Variants in PTPRM observed in about 807,000 individuals in gnomAD.
The protein encoded by PTPRM is protein tyrosine phosphatase receptor type M, also known as receptor-type tyrosine-protein phosphatase mu.
A neutral mutation model predicts 186.7 loss-of-function variants in PTPRM; 47 were observed. That is an observed-to-expected ratio of 0.25 (90% CI 0.20 to 0.32). The LOEUF is 0.32. PTPRM is among the 10% of genes least tolerant of loss of function. The probability of loss-of-function intolerance (pLI) is 1.00; values close to 1 mark genes in which losing one functional copy is unlikely to be tolerated. For missense variants in PTPRM, 1,494 were observed against 1,865.0 expected, an observed-to-expected ratio of 0.80 and a Z score of 3.66; for synonymous variants, 668 against 674.9, an observed-to-expected ratio of 0.99 and a Z score of 0.16.
At chr18:7,838,059 C>T (rs1186930177) in intron 2 of PTPRM, among the ~76,000 whole-genome samples, 2 of 152,140 alleles carry the variant, frequency 1.3e-5, no homozygotes, top group African/African-American at 4.8e-5. Flanking sequence ...GTATTAGTCT[C>T]TTCTCAGGCT....
intron 1 of PTPRM, among the ~76,000 whole-genome samples, chr18:7,640,147 T>C (rs1005782203): frequency 1.3e-5 from 2 of 152,204 alleles, no homozygotes; most frequent in African/African-American, 2.4e-5. Context: ...ATGAATTTCC[T>C]ATATCTTAGA....
At chr18:8,276,413 T>G (rs2094836075) in intron 19 of PTPRM, among the ~76,000 whole-genome samples, 1 of 152,188 alleles carries the variant, frequency 6.6e-6, no homozygotes, top group African/African-American at 2.4e-5. Flanking sequence ...CAGTAATGCT[T>G]AAGTTTAACA....
chr18:8,169,053 A>G (rs1344829566), intron 14 of PTPRM, among the ~76,000 whole-genome samples: 1 of 152,208 alleles, frequency 6.6e-6, no homozygotes, highest in Non-Finnish European at 1.5e-5. Flanking sequence ...CTCTATAAAT[A>G]TCTTATCACG....
At chr18:7,762,825 G>T (rs1472478727) in intron 1 of PTPRM, among the ~76,000 whole-genome samples, 1 of 152,182 alleles carries the variant, frequency 6.6e-6, no homozygotes, top group Non-Finnish European at 1.5e-5. Context: ...GCAAGATAAA[G>T]AAAGAAATGT....
At chr18:8,240,870 T>A (rs2094428272) in intron 14 of PTPRM, among the ~76,000 whole-genome samples, 1 of 149,526 alleles carries the variant, frequency 6.7e-6, no homozygotes, top group Non-Finnish European at 1.5e-5. Flanking sequence ...AAATTGAAAG[T>A]TTGTGGCAAC....
At chr18:8,150,183 G>C (rs2092973052) in intron 14 of PTPRM, among the ~76,000 whole-genome samples, 2 of 152,104 alleles carry the variant, frequency 1.3e-5, no homozygotes, top group African/African-American at 4.8e-5. Context: ...GAAATTGAAT[G>C]TTAGCCTGTC....
At chr18:8,394,365 G>T (rs1472635751) in intron 31 of PTPRM, 111 bp from the exon 32 acceptor site, 3 of 1,245,196 alleles carry the variant, frequency 2.4e-6, no homozygotes, top group South Asian at 3.6e-5. Context: ...CGGCCTCAGA[G>T]CCCTTTGTTG....
chr18:7,910,735 G>A (rs762089879), intron 4 of PTPRM, among the ~76,000 whole-genome samples: 1 of 152,192 alleles, frequency 6.6e-6, no homozygotes, highest in Non-Finnish European at 1.5e-5. Context: ...GGTTGCAGGA[G>A]GGGACCAGTC....
In PTPRM at chr18:7,966,877, G is replaced by A. The variant is rs548347136; in HGVS notation, c.1132+11463G>A. Among the ~76,000 whole-genome samples, 6 of 127,530 alleles carry A rather than the reference G, an allele frequency of 4.7e-5. 2 individuals carry two copies. The South Asian group carries it at 7.7e-4, about 16-fold the overall frequency. 83.7% of individuals were successfully genotyped at this position (127,530 alleles called of 152,430 possible). On this transcript the variant is annotated intron_variant, in intron 7 of 32. Transcript: ENST00000580170. ...ACCGCAAGGCGGCAGCGAGGCTGGG[G>A]GAGGGGCGCCCACCATTGCCCAGGC... is the stretch of plus-strand genomic sequence containing the variant.
chr18:8,338,647 T>C (rs1466063052), intron 22 of PTPRM, among the ~76,000 whole-genome samples: 1 of 152,204 alleles, frequency 6.6e-6, no homozygotes, highest in East Asian at 1.9e-4. Flanking sequence ...GGGTGAGCAA[T>C]AGGACCTATT....
At chr18:7,858,502 A>G (rs535883160) in intron 2 of PTPRM, among the ~76,000 whole-genome samples, 3 of 152,166 alleles carry the variant, frequency 2.0e-5, no homozygotes, top group Non-Finnish European at 4.4e-5. Context: ...TTGACATTAC[A>G]ATGAGCTGTG....
intron 14 of PTPRM, among the ~76,000 whole-genome samples, chr18:8,151,736 G>A (rs1600860680): frequency 6.6e-6 from 1 of 150,614 alleles, no homozygotes; most frequent in Non-Finnish European, 1.5e-5. Flanking sequence ...TTCGGTGTCT[G>A]CCCAAACAGC....
chr18:7,753,636 G>A lies in PTPRM; in HGVS notation c.74-20513G>A, dbSNP rs1028694091. ...CAAATTCCATTCTCACTCACTATAT[G>A]TAATATAAATAGGTTTAAATCAACA... is the stretch of plus-strand genomic sequence containing the variant. On this transcript the variant is annotated intron_variant, in intron 1 of 32. Transcript: ENST00000580170. Among the ~76,000 whole-genome samples, 59 of 152,106 alleles carry A rather than the reference G, an allele frequency of 3.9e-4. 1 individual carries two copies. The highest frequency in any genetic ancestry group is 2.9e-5 in the Non-Finnish European group (2 of 68,020).
rs527933473 is a variant in PTPRM at position 8,313,606 on chromosome 18, A to G, written c.2843-1175A>G. 3.4e-4 allele frequency among the ~76,000 whole-genome samples: 52 copies of G among 151,374 alleles called. 1 individual carries two copies. Among genetic ancestry groups the G allele is most frequent in the African/African-American group, 1.2e-3 (49 of 41,208 alleles). Reference sequence around the variant, plus strand: ...TTTTAATTTTTAGTTTTTTATTTCAATAGGTTTTGGGGGAACAAGTGGTGT... The same window carrying G: ...TTTTAATTTTTAGTTTTTTATTTCAGTAGGTTTTGGGGGAACAAGTGGTGT... On this transcript the variant is annotated intron_variant, in intron 20 of 32. Coordinates refer to ENST00000580170, the MANE Select transcript of PTPRM (RefSeq NM_001105244.2).
At chr18:8,107,770 T>C (rs1235899698) in intron 11 of PTPRM, among the ~76,000 whole-genome samples, 1 of 152,222 alleles carries the variant, frequency 6.6e-6, no homozygotes, top group Non-Finnish European at 1.5e-5. Context: ...GTGTGATGTG[T>C]TACCCATTGC....
At chr18:7,982,846 A>G (rs1227409339) in intron 7 of PTPRM, among the ~76,000 whole-genome samples, 3 of 152,038 alleles carry the variant, frequency 2.0e-5, no homozygotes, top group African/African-American at 7.2e-5. Flanking sequence ...AAATGTTGTT[A>G]TGTGGCGTGT....
At chr18:8,012,592 A>G (rs537342118) in intron 7 of PTPRM, among the ~76,000 whole-genome samples, 1 of 152,346 alleles carries the variant, frequency 6.6e-6, no homozygotes, top group Admixed American at 6.5e-5. Context: ...CCAAGTCAAT[A>G]ACATGTGACT....
chr18:8,105,985 C>T (rs562931960), intron 11 of PTPRM, among the ~76,000 whole-genome samples: 2 of 152,258 alleles, frequency 1.3e-5, no homozygotes, highest in East Asian at 3.9e-4. Flanking sequence ...AGAACAAAGA[C>T]GAAGACCATG....
chr18:7,972,462 T>TAAAAAAAAAAAAAAAAATAA (rs11445030), intron 7 of PTPRM, among the ~76,000 whole-genome samples: 1 of 45,288 alleles, frequency 2.2e-5, no homozygotes, highest in Non-Finnish European at 3.5e-5. Context: ...AAAGTATAAT[T>TAAAAAAAAAAAAAAAAATAA]AAAAAAAAAA....
Sources: gnomAD v4.1 joint callset for allele counts (sites outside exome capture counted in the v4.1 genomes callset) on GRCh38, gnomAD v4.1.1 for gene constraint, MANE v1.5 for transcripts, NCBI Gene and HGNC (gene_info 2026-07-23, HGNC 2026-07-21) for gene names.